The following LRRC37A2 variants were observed in gnomAD, a reference collection of about 807,000 sequenced individuals.
The protein encoded by LRRC37A2 is leucine rich repeat containing 37 member A2, also known as leucine-rich repeat-containing protein 37A2.
Under a neutral mutation model 68.8 loss-of-function variants are expected in LRRC37A2, and 9 were observed. The ratio of observed to expected loss-of-function variants is 0.13; its 90% CI spans 0.08 to 0.23. The LOEUF (loss-of-function observed/expected upper bound fraction) is 0.23, where lower values mean the gene tolerates loss of function less well. Among genes scored for constraint, LRRC37A2 ranks in the 10% least tolerant of loss-of-function variants. The pLI is 1.00. For synonymous variants in LRRC37A2, 63 were observed against 367.6 expected (o/e 0.17, Z 9.48); for missense variants, 168 against 950.4 (o/e 0.18, Z 10.82).
chr17:46,794,752 C>CTT, the LRRC37A2 span, among the ~76,000 whole-genome samples: 529 of 129,274 alleles, frequency 4.1e-3, 6 homozygotes, highest in African/African-American at 0.015. Context: ...CTTTCTTTTT[C>CTT]TTTTTTTTTT....
chr17:46,918,061 AT>A, the LRRC37A2 span, among the ~76,000 whole-genome samples: 1 of 152,086 alleles, frequency 6.6e-6, no homozygotes, highest in Admixed American at 6.6e-5. Flanking sequence ...GAGTCCATGA[AT>A]TTTATAACAC....
chr17:47,037,744 C>A, the LRRC37A2 span, among the ~76,000 whole-genome samples: 12 of 152,180 alleles, frequency 7.9e-5, no homozygotes, highest in Admixed American at 5.9e-4. Context: ...AGGCTGCCTG[C>A]TGGTCTTCAG....
At chr17:46,621,061 G>A in the LRRC37A2 span, among the ~76,000 whole-genome samples, 1 of 96,654 alleles carries the variant, frequency 1.0e-5, no homozygotes. Flanking sequence ...ATGCGCCACT[G>A]CATTCAATTC....
chr17:46,772,164 C>T, the LRRC37A2 span, among the ~76,000 whole-genome samples: 9 of 152,210 alleles, frequency 5.9e-5, no homozygotes, highest in Admixed American at 2.0e-4. Context: ...GCTCTGGGCA[C>T]CGACCGGGGC....
At chr17:46,858,693 G>A in the LRRC37A2 span, among the ~76,000 whole-genome samples, 1 of 152,258 alleles carries the variant, frequency 6.6e-6, no homozygotes, top group South Asian at 2.1e-4. Context: ...TAGGATGGGT[G>A]TAAATAGTTC....
the LRRC37A2 span, among the ~76,000 whole-genome samples, chr17:46,817,399 T>C: frequency 1.4e-3 from 208 of 152,134 alleles, no homozygotes; most frequent in African/African-American, 4.8e-3. Flanking sequence ...GGCTCTCCTA[T>C]GTCCAGGAGG....
the LRRC37A2 span, among the ~76,000 whole-genome samples, chr17:46,753,127 G>C: frequency 6.6e-6 from 1 of 152,224 alleles, no homozygotes; most frequent in African/African-American, 2.4e-5. Flanking sequence ...TAAATGGACA[G>C]AGTGGCTGTA....
At chr17:46,983,196 T>G in the LRRC37A2 span, among the ~76,000 whole-genome samples, 2 of 151,874 alleles carry the variant, frequency 1.3e-5, no homozygotes, top group Non-Finnish European at 2.9e-5. Flanking sequence ...GCATATTTGG[T>G]CTCCCAGAAC....
the LRRC37A2 span, among the ~76,000 whole-genome samples, chr17:47,003,281 C>T: frequency 6.6e-6 from 1 of 151,488 alleles, no homozygotes; most frequent in Non-Finnish European, 1.5e-5. Flanking sequence ...GCCATGACCA[C>T]CCTGACCCTG....
At chr17:46,754,714 A>ACACATT in the LRRC37A2 span, among the ~76,000 whole-genome samples, 6 of 152,202 alleles carry the variant, frequency 3.9e-5, no homozygotes, top group Non-Finnish European at 5.9e-5. Context: ...TAGACTCATG[A>ACACATT]CACATTCGCA....
the LRRC37A2 span, among the ~76,000 whole-genome samples, chr17:46,721,305 T>C: frequency 6.6e-6 from 1 of 152,188 alleles, no homozygotes; most frequent in Non-Finnish European, 1.5e-5. Flanking sequence ...TTCTGTGTTT[T>C]CTAGAGCTGC....
the LRRC37A2 span, among the ~76,000 whole-genome samples, chr17:46,750,780 G>A: frequency 6.6e-6 from 1 of 151,844 alleles, no homozygotes; most frequent in Non-Finnish European, 1.5e-5. Flanking sequence ...ACCATTCATA[G>A]TGGCTTTTAG....
the LRRC37A2 span, among the ~76,000 whole-genome samples, chr17:46,703,679 T>C: frequency 2.3e-5 from 1 of 44,184 alleles, no homozygotes; most frequent in Non-Finnish European, 3.8e-5. Context: ...AGACTCCGTC[T>C]CAAAAAAAAA....
the LRRC37A2 span, among the ~76,000 whole-genome samples, chr17:47,023,432 A>G: frequency 4.6e-5 from 7 of 152,300 alleles, no homozygotes; most frequent in East Asian, 1.2e-3. Context: ...CACGCCTTTA[A>G]TCCCAGCACC....
chr17:46,789,115 G>A, the LRRC37A2 span, among the ~76,000 whole-genome samples: 2 of 152,180 alleles, frequency 1.3e-5, no homozygotes, highest in Non-Finnish European at 2.9e-5. Flanking sequence ...GGAGCACAGT[G>A]CGTGGGGCAC....
At chr17:46,837,833 A>G in the LRRC37A2 span, among the ~76,000 whole-genome samples, 1 of 152,178 alleles carries the variant, frequency 6.6e-6, no homozygotes, top group East Asian at 1.9e-4. Flanking sequence ...GCAAAAGGTT[A>G]CACCACATAT....
chr17:46,724,417 C>T, the LRRC37A2 span, among the ~76,000 whole-genome samples: 2 of 152,186 alleles, frequency 1.3e-5, no homozygotes, highest in African/African-American at 4.8e-5. Flanking sequence ...ATAGAGGCCC[C>T]GCCTTACATC....
At chr17:46,904,515 TGATGGATGGATG>T in the LRRC37A2 span, among the ~76,000 whole-genome samples, 1 of 146,236 alleles carries the variant, frequency 6.8e-6, no homozygotes, top group African/African-American at 2.6e-5. Context: ...GCTGGACGGA[TGATGGATGGATG>T]GATGGATGGA....
At chr17:46,826,280 G>T in the LRRC37A2 span, among the ~76,000 whole-genome samples, 1 of 152,220 alleles carries the variant, frequency 6.6e-6, no homozygotes, top group Non-Finnish European at 1.5e-5. Flanking sequence ...CCAGCTATGG[G>T]CCCTGAGTCC....
Sources: gnomAD v4.1 joint callset for allele counts (sites outside exome capture counted in the v4.1 genomes callset) on GRCh38, gnomAD v4.1.1 for gene constraint, MANE v1.5 for transcripts, NCBI Gene and HGNC (gene_info 2026-07-23, HGNC 2026-07-21) for gene names.